Variants in SPMIP11 observed in about 807,000 individuals in gnomAD.
The protein encoded by SPMIP11 is sperm microtubule inner protein 11.
chr12:48,770,820 C>A, the SPMIP11 span: 1 of 1,614,250 alleles, frequency 6.2e-7, no homozygotes, highest in Non-Finnish European at 8.5e-7. Flanking sequence ...TTCATCTGCT[C>A]CATGAGCCGC....
At chr12:48,758,235 A>G in the SPMIP11 span, among the ~76,000 whole-genome samples, 1 of 152,204 alleles carries the variant, frequency 6.6e-6, no homozygotes, top group Admixed American at 6.6e-5. Flanking sequence ...AAGCTGCAGT[A>G]GGAATGGAAA....
At chr12:48,739,942 C>A in the SPMIP11 span, among the ~76,000 whole-genome samples, 1 of 151,938 alleles carries the variant, frequency 6.6e-6, no homozygotes, top group Non-Finnish European at 1.5e-5. Flanking sequence ...ACTTAGGTAA[C>A]AACATTCTTT....
chr12:48,743,230 TAAAA>T, the SPMIP11 span, among the ~76,000 whole-genome samples: 1 of 121,364 alleles, frequency 8.2e-6, no homozygotes, highest in Non-Finnish European at 1.8e-5. Context: ...CCATCTCTAC[TAAAA>T]AAAAAAAAAA....
chr12:48,753,309 C>T, the SPMIP11 span, among the ~76,000 whole-genome samples: 4 of 152,218 alleles, frequency 2.6e-5, no homozygotes, highest in Admixed American at 2.6e-4. Context: ...GACCTTCAAG[C>T]TGTGCACATC....
the SPMIP11 span, among the ~76,000 whole-genome samples, chr12:48,754,740 G>A: frequency 3.3e-5 from 5 of 149,462 alleles, no homozygotes; most frequent in South Asian, 2.1e-4. Flanking sequence ...GTGAGCCACC[G>A]CGCCTGGCCT....
At chr12:48,749,096 T>G in the SPMIP11 span, among the ~76,000 whole-genome samples, 2 of 151,632 alleles carry the variant, frequency 1.3e-5, no homozygotes, top group Non-Finnish European at 2.9e-5. Context: ...ACCCCATCTC[T>G]ACTAAAAATA....
chr12:48,770,981 C>A, the SPMIP11 span: 5 of 1,611,102 alleles, frequency 3.1e-6, no homozygotes, highest in Admixed American at 8.3e-5. Flanking sequence ...CTGAACAACA[C>A]AAGGAGACCT....
chr12:48,757,654 AAAAATAAAAAT>A, the SPMIP11 span, among the ~76,000 whole-genome samples: 8 of 34,026 alleles, frequency 2.4e-4, no homozygotes, highest in African/African-American at 4.8e-4. Context: ...TCAAAAAAAT[AAAAATAAAAAT>A]AAAATAAAAT....
At chr12:48,746,933 A>T in the SPMIP11 span, among the ~76,000 whole-genome samples, 12 of 152,160 alleles carry the variant, frequency 7.9e-5, no homozygotes, top group East Asian at 2.4e-3. Context: ...AAAAAAAAAA[A>T]ATTAGATTTG....
chr12:48,750,297 G>A, the SPMIP11 span, among the ~76,000 whole-genome samples: 48 of 152,088 alleles, frequency 3.2e-4, no homozygotes, highest in Non-Finnish European at 5.6e-4. Flanking sequence ...AGGATGCATT[G>A]AGCTATAATC....
chr12:48,743,889 G>A, the SPMIP11 span, among the ~76,000 whole-genome samples: 2 of 128,342 alleles, frequency 1.6e-5, no homozygotes, highest in South Asian at 2.5e-4. Context: ...CTGAGACAGC[G>A]CCATTTGCAC....
chr12:48,761,123 C>T, the SPMIP11 span, among the ~76,000 whole-genome samples: 253 of 152,190 alleles, frequency 1.7e-3, 2 homozygotes, highest in Admixed American at 3.5e-3. Context: ...AAGCATGTAG[C>T]CAGCCTGGGC....
chr12:48,750,122 C>G, the SPMIP11 span, among the ~76,000 whole-genome samples: 1 of 151,998 alleles, frequency 6.6e-6, no homozygotes, highest in African/African-American at 2.4e-5. Flanking sequence ...GAGGCCGAGG[C>G]AGGAAAATCG....
the SPMIP11 span, among the ~76,000 whole-genome samples, chr12:48,769,765 T>TG: frequency 2.0e-5 from 3 of 149,880 alleles, no homozygotes; most frequent in African/African-American, 4.9e-5. Flanking sequence ...TTTTGTTTTT[T>TG]TTTTTTTTTT....
chr12:48,764,942 C>T, the SPMIP11 span: 2 of 702,944 alleles, frequency 2.8e-6, no homozygotes, highest in Non-Finnish European at 5.2e-6. Flanking sequence ...CAGAGGAAAC[C>T]ATGCCATGGA....
chr12:48,733,723 C>T, the SPMIP11 span, among the ~76,000 whole-genome samples: 2 of 150,104 alleles, frequency 1.3e-5, no homozygotes, highest in Non-Finnish European at 3.0e-5. Flanking sequence ...GGAATGTATA[C>T]CAAGGATAAG....
At chr12:48,734,797 A>T in the SPMIP11 span, among the ~76,000 whole-genome samples, 1 of 151,762 alleles carries the variant, frequency 6.6e-6, no homozygotes, top group Admixed American at 6.6e-5. Flanking sequence ...AGGTCAGCAG[A>T]TCGAGACCAT....
the SPMIP11 span, among the ~76,000 whole-genome samples, chr12:48,733,736 G>T: frequency 6.6e-6 from 1 of 151,556 alleles, no homozygotes; most frequent in East Asian, 1.9e-4. Flanking sequence ...AGGATAAGAG[G>T]GGACTACTGT....
the SPMIP11 span, among the ~76,000 whole-genome samples, chr12:48,755,069 G>A: frequency 6.6e-6 from 1 of 152,236 alleles, no homozygotes; most frequent in Non-Finnish European, 1.5e-5. Flanking sequence ...GCAACAAACA[G>A]AGGCAATGGG....
Sources: allele counts gnomAD v4.1 joint callset (sites outside exome capture counted in the v4.1 genomes callset), GRCh38; gene constraint gnomAD v4.1.1; transcripts MANE v1.5; gene names NCBI Gene and HGNC (gene_info 2026-07-23, HGNC 2026-07-21).